The following KCNQ1OT1 variants were observed in gnomAD, a reference collection of about 807,000 sequenced individuals.
KCNQ1OT1 encodes the protein KCNQ1 opposite strand/antisense transcript 1, also known as KCNQ1 antisense RNA 2 (non-protein coding).
Position 2,613,433 on chromosome 11 carries a change from G to C in KCNQ1OT1, n.86562C>G, listed in dbSNP as rs1849012470. On this transcript the variant is annotated non_coding_transcript_exon_variant, in exon 1 of 1. Coordinates refer to ENST00000597346, the Ensembl canonical transcript of KCNQ1OT1. This position sits in a 1 kb window ranked among gnomAD's most constrained non-coding sequence, Gnocchi z 4.8. Reference sequence around the variant, plus strand: ...CCTTGTTGCTTAACATAGTGCATAGGGTTTTCTATGGAATTCAAAATCAGA... The same window carrying C: ...CCTTGTTGCTTAACATAGTGCATAGCGTTTTCTATGGAATTCAAAATCAGA... 1 of 398,366 alleles carries C rather than the reference G, an allele frequency of 2.5e-6. No homozygotes were observed. Among genetic ancestry groups the C allele is most frequent in the African/African-American group, 2.1e-5 (1 of 48,564 alleles). The allele number at this position is 398,366 out of a possible 1,614,324, so 24.7% of individuals were successfully genotyped here. A position where few individuals can be genotyped will look rare whatever the true frequency, so the allele number is the denominator to read the frequency against.
chr11:2,685,945 C>T, exon 1 of KCNQ1OT1: 2 of 398,796 alleles, frequency 5.0e-6, no homozygotes. Context: ...TCCCATCCTC[C>T]TGCTGGGTCA....
exon 1 of KCNQ1OT1, chr11:2,684,352 T>G (rs1850448868): frequency 7.5e-6 from 3 of 398,546 alleles, no homozygotes. Context: ...GTTTGAGGCC[T>G]GGGACTTGCT....
chr11:2,672,249 T>C (rs1850196853), exon 1 of KCNQ1OT1: 1 of 398,592 alleles, frequency 2.5e-6, no homozygotes, highest in African/African-American at 2.1e-5. Context: ...TGCTTTTTTC[T>C]GCTTTTCTTT....
At position 2,659,851 on chromosome 11, in the gene KCNQ1OT1, T is replaced by C. The variant is rs1251640979; in HGVS notation, n.40144A>G. 1 of 398,378 alleles carries C rather than the reference T, an allele frequency of 2.5e-6. No homozygotes were observed. The highest frequency in any genetic ancestry group is 2.1e-5 in the African/African-American group (1 of 48,638). The allele number at this position is 398,378 out of a possible 1,614,324, so 24.7% of individuals were successfully genotyped here. A position where few individuals can be genotyped will look rare whatever the true frequency, so the allele number is the denominator to read the frequency against. On this transcript the variant is annotated non_coding_transcript_exon_variant, in exon 1 of 1. Coordinates refer to ENST00000597346, the Ensembl canonical transcript of KCNQ1OT1. The surrounding 1 kb of genome is among the most constrained non-coding windows in gnomAD (Gnocchi z 4.3). ...CATATTTATGTTAATTATGTATCTT[T>C]TCATGTGCTTATTTATAATCCATTT...
At chr11:2,650,367 C>T (rs752080072) in exon 1 of KCNQ1OT1, 10 of 398,352 alleles carry the variant, frequency 2.5e-5, no homozygotes, top group Non-Finnish European at 4.4e-5. Flanking sequence ...ATCTGCATAT[C>T]TGGAATAACA....
chr11:2,668,565 A>G lies in KCNQ1OT1; in HGVS notation n.31430T>C, dbSNP rs2133865486. 1 of 398,606 alleles carries G rather than the reference A, an allele frequency of 2.5e-6. No individual in the cohort carries two copies. Among genetic ancestry groups the G allele is most frequent in the South Asian group, 1.3e-4 (1 of 7,860 alleles). 24.7% of individuals were successfully genotyped at this position (398,606 alleles called of 1,614,324 possible). ...GACTAATGAAGTTGAGTCCCTTTCCATGTTATCATTTAGTCAGATACATCA... is the reference window on the plus strand; with the variant it reads ...GACTAATGAAGTTGAGTCCCTTTCCGTGTTATCATTTAGTCAGATACATCA... On this transcript the variant is annotated non_coding_transcript_exon_variant, in exon 1 of 1. Transcript: ENST00000597346. This position sits in a 1 kb window ranked among gnomAD's most constrained non-coding sequence, Gnocchi z 4.3.
chr11:2,633,329 C>G, exon 1 of KCNQ1OT1: 3 of 398,488 alleles, frequency 7.5e-6, no homozygotes, highest in Non-Finnish European at 1.3e-5. Context: ...TACAGGATAT[C>G]TCTTAATAGT....
At chr11:2,618,318 C>CA (rs1849103203) in exon 1 of KCNQ1OT1, 3 of 398,216 alleles carry the variant, frequency 7.5e-6, no homozygotes, top group African/African-American at 2.1e-5. Flanking sequence ...TAAAAAAATG[C>CA]AAAAAAATTC....
At chr11:2,625,936 A>G (rs1589989193) in exon 1 of KCNQ1OT1, 1 of 398,576 alleles carries the variant, frequency 2.5e-6, no homozygotes, top group East Asian at 3.6e-5. Context: ...TATAATCTGG[A>G]CATTAATCCC....
chr11:2,656,774 AAAAC>A, exon 1 of KCNQ1OT1: 1 of 398,664 alleles, frequency 2.5e-6, no homozygotes, highest in Non-Finnish European at 4.4e-6. Flanking sequence ...TCTTTTAAAA[AAAAC>A]CATCCTAATG....
chr11:2,687,596 G>A lies in KCNQ1OT1; in HGVS notation n.12399C>T, dbSNP rs1850512680. 1 of 398,732 alleles carries A rather than the reference G, an allele frequency of 2.5e-6. No homozygotes were observed. Among genetic ancestry groups the A allele is most frequent in the Non-Finnish European group, 4.4e-6 (1 of 226,158 alleles). 24.7% of individuals were successfully genotyped at this position (398,732 alleles called of 1,614,324 possible). The stretch of plus-strand genomic sequence containing the variant: ...CTGTCAAGGAGGTGTGACTGAGAAA[G>A]GAAGGGGCAGAGATCCCTTCTCCAT... On this transcript the variant is annotated non_coding_transcript_exon_variant, in exon 1 of 1. Transcript: ENST00000597346. This position sits in a 1 kb window ranked among gnomAD's most constrained non-coding sequence, Gnocchi z 5.0.
Position 2,693,527 on chromosome 11 carries a change from C to G in KCNQ1OT1, n.6468G>C, listed in dbSNP as rs946091249. 3 of 398,670 alleles carry G rather than the reference C, an allele frequency of 7.5e-6. No individual in the cohort carries two copies. The East Asian group carries it at 1.1e-4, about 14-fold the overall frequency. The allele number at this position is 398,670 out of a possible 1,614,324, so 24.7% of individuals were successfully genotyped here. A position where few individuals can be genotyped will look rare whatever the true frequency, so the allele number is the denominator to read the frequency against. ...ATCCATTTCTTCTCCTGGCTGAGGC[C>G]CGGGCTGCTAGGGAGGTTGAGCCCA... On this transcript the variant is annotated non_coding_transcript_exon_variant, in exon 1 of 1. Transcript: ENST00000597346.
chr11:2,673,747 G>C lies in KCNQ1OT1; in HGVS notation n.26248C>G. ...AGGCCCAGACTGGACAGGGGAAGGG[G>C]TACAGTCCCTTCTTGCTGGTATGTT... On this transcript the variant is annotated non_coding_transcript_exon_variant, in exon 1 of 1. Transcript: ENST00000597346. The surrounding 1 kb of genome is among the most constrained non-coding windows in gnomAD (Gnocchi z 4.5). The C allele has an allele frequency of 2.5e-6, 1 of 398,564 alleles. No homozygotes were observed. The highest frequency in any genetic ancestry group is 4.4e-6 in the Non-Finnish European group (1 of 226,114). The allele number at this position is 398,564 out of a possible 1,614,324, so 24.7% of individuals were successfully genotyped here.
exon 1 of KCNQ1OT1, chr11:2,615,290 A>G: frequency 2.5e-6 from 1 of 398,094 alleles, no homozygotes; most frequent in Non-Finnish European, 4.4e-6. Flanking sequence ...TATTAGCTCT[A>G]CTAGTTTGTG....
rs897853532 is a variant in KCNQ1OT1, at chr11:2,642,166, T to C, written n.57829A>G. 1.3e-5 allele frequency: 5 copies of C among 398,340 alleles called. No individual in the cohort carries two copies. The highest frequency in any genetic ancestry group is 8.2e-5 in the African/African-American group (4 of 48,624). 24.7% of individuals were successfully genotyped at this position (398,340 alleles called of 1,614,324 possible). ...CTATTTCCATGAAAAATGGCATTGG[T>C]ATTTTGAGAGAGACTGCATTGAATC... On this transcript the variant is annotated non_coding_transcript_exon_variant, in exon 1 of 1. Coordinates refer to ENST00000597346, the Ensembl canonical transcript of KCNQ1OT1. The surrounding 1 kb of genome is among the most constrained non-coding windows in gnomAD (Gnocchi z 4.3).
At chr11:2,631,616 A>T (rs187022077) in exon 1 of KCNQ1OT1, 6 of 398,538 alleles carry the variant, frequency 1.5e-5, no homozygotes, top group African/African-American at 1.2e-4. Context: ...TGTATTTCTC[A>T]GGTGGGTGCT....
exon 1 of KCNQ1OT1, chr11:2,609,387 C>G (rs1470003535): frequency 2.5e-6 from 1 of 398,360 alleles, no homozygotes; most frequent in Admixed American, 4.4e-5. Flanking sequence ...AAAAAGATAC[C>G]TTGTATTATT....
exon 1 of KCNQ1OT1, chr11:2,641,989 C>T: frequency 2.5e-6 from 1 of 398,376 alleles, no homozygotes; most frequent in East Asian, 3.6e-5. Flanking sequence ...ATTGGTCTAT[C>T]AGTTTTTATT....
chr11:2,663,944 T>C lies in KCNQ1OT1; in HGVS notation n.36051A>G, dbSNP rs182333458. The C allele has an allele frequency of 5.0e-6, 2 of 398,590 alleles. No individual in the cohort carries two copies. Among genetic ancestry groups the C allele is most frequent in the Non-Finnish European group, 8.8e-6 (2 of 226,122 alleles). 24.7% of individuals were successfully genotyped at this position (398,590 alleles called of 1,614,324 possible). On this transcript the variant is annotated non_coding_transcript_exon_variant, in exon 1 of 1. Transcript: ENST00000597346. This position sits in a 1 kb window ranked among gnomAD's most constrained non-coding sequence, Gnocchi z 5.2. ...GGCTGTTTCTTGTTCCACTCCAGGA[T>C]GACAGGGCCTGAGAGACCTGAACAT...
Sources: gnomAD v4.1 joint callset for allele counts on GRCh38, gnomAD v4.1.1 for gene constraint, Gnocchi (gnomAD v3.1) non-coding constraint, MANE v1.5 for transcripts, NCBI Gene and HGNC (gene_info 2026-07-23, HGNC 2026-07-21) for gene names.